FEZ2: variants seen among roughly 807,000 people sequenced by gnomAD.
The protein encoded by FEZ2 is fasciculation and elongation protein zeta-2.
Under a neutral mutation model 40.4 loss-of-function variants are expected in FEZ2, and 51 were observed. The observed-to-expected ratio is 1.26, with a 90% CI of 1.01 to 1.59. FEZ2 has a LOEUF of 1.59. Among genes scored for constraint, FEZ2 ranks in the 40% most tolerant of loss-of-function variants. The pLI is 0.00. For missense variants in FEZ2, 640 were observed against 438.3 expected (o/e 1.46, Z -4.11); for synonymous variants, 242 against 172.0 (o/e 1.41, Z -3.18).
rs1669284484 is a variant in FEZ2 at position 36,597,927 on chromosome 2, CGGGGGCTCGGCGCCCGGATCCGA to C, written c.193_215del (p.Ser65GlufsTer25). 1 of 1,435,600 alleles carries C rather than the reference CGGGGGCTCGGCGCCCGGATCCGA, an allele frequency of 7.0e-7. No homozygotes were observed. Among genetic ancestry groups the C allele is most frequent in the Non-Finnish European group, 9.1e-7 (1 of 1,101,628 alleles). The allele number at this position is 1,435,600 out of a possible 1,614,324, so 88.9% of individuals were successfully genotyped here. A position where few individuals can be genotyped will look rare whatever the true frequency, so the allele number is the denominator to read the frequency against. Reference sequence around the variant, plus strand: ...CCGTGATGGGCCGCACGGCCGTCCTCGGGGGCTCGGCGCCCGGATCCGAGGGGCGGAAGCACAGGCTCAGCTTC... The same window carrying C: ...CCGTGATGGGCCGCACGGCCGTCCTCGGGGCGGAAGCACAGGCTCAGCTTC... On this transcript the variant is annotated frameshift_variant, in exon 1 of 8. Coordinates refer to ENST00000405912, the MANE Select transcript of FEZ2 (RefSeq NM_005102.3). LOFTEE classifies it high-confidence loss of function.
At position 36,552,552 on chromosome 2, in the gene FEZ2, G is replaced by A; in HGVS notation, c.*611C>T. 1 of 238,544 alleles carries A rather than the reference G, an allele frequency of 4.2e-6. No homozygotes were observed. Among genetic ancestry groups the A allele is most frequent in the Non-Finnish European group, 8.3e-6 (1 of 119,866 alleles). The allele number at this position is 238,544 out of a possible 1,614,324, so 14.8% of individuals were successfully genotyped here. ...TTCTAAAAGTGAATGGCAATTTAAT[G>A]GTTAAAATTTGACCAGTGGTGAAAC... On this transcript the variant is annotated 3_prime_UTR_variant, in exon 8 of 8. Coordinates refer to ENST00000405912, the MANE Select transcript of FEZ2 (RefSeq NM_005102.3).
intron 2 of FEZ2, among the ~76,000 whole-genome samples, chr2:36,585,314 C>A (rs1259070235): frequency 6.6e-6 from 1 of 152,130 alleles, no homozygotes; most frequent in Non-Finnish European, 1.5e-5. Context: ...CTCTCATGTG[C>A]CCTTTCTCAA....
At chr2:36,569,184 T>C (rs548200743) in intron 5 of FEZ2, among the ~76,000 whole-genome samples, 3 of 152,334 alleles carry the variant, frequency 2.0e-5, no homozygotes, top group Admixed American at 2.0e-4. Context: ...GAATAATCCA[T>C]GCAAGTACCT....
At chr2:36,572,664 T>C (rs1194570214) in intron 5 of FEZ2, among the ~76,000 whole-genome samples, 3 of 152,024 alleles carry the variant, frequency 2.0e-5, no homozygotes, top group Non-Finnish European at 4.4e-5. Context: ...AGGTGAAGAG[T>C]TGATTTAGCC....
chr2:36,578,940 G>T, intron 4 of FEZ2, 75 bp from the exon 5 acceptor site: 1 of 1,247,428 alleles, frequency 8.0e-7, no homozygotes, highest in Non-Finnish European at 1.1e-6. Context: ...TAGTCACTAG[G>T]AATGACTAAA....
chr2:36,552,493 C>G lies in FEZ2; in HGVS notation c.*670G>C. ...TACAATTCTTCACAGACACATGAAG[C>G]AGAACATTTGAAAATCAAAACTTAA... On this transcript the variant is annotated 3_prime_UTR_variant, in exon 8 of 8. Transcript: ENST00000405912. 1 of 244,424 alleles carries G rather than the reference C, an allele frequency of 4.1e-6. No homozygotes were observed. Among genetic ancestry groups the G allele is most frequent in the Non-Finnish European group, 8.1e-6 (1 of 122,810 alleles). The allele number at this position is 244,424 out of a possible 1,614,324, so 15.1% of individuals were successfully genotyped here.
rs1479906791 is a variant in FEZ2, at chr2:36,598,057, C to A, written c.86G>T (p.Ser29Ile). 1.2e-5 allele frequency: 17 copies of A among 1,420,206 alleles called. No homozygotes were observed. The highest frequency in any genetic ancestry group is 4.3e-5 in the Admixed American group (2 of 46,122). 88.0% of individuals were successfully genotyped at this position (1,420,206 alleles called of 1,614,324 possible). A position where few individuals can be genotyped will look rare whatever the true frequency, so the allele number is the denominator to read the frequency against. The part of the protein sequence containing the change: ...SLLDQENCNA[S>I]PEPGAEAGAE... ...CCCCGCCTCCGCCCCAGGCTCGGGG[C>A]TCGCGTTACAGTTCTCCTGGTCCAG... is the stretch of plus-strand genomic sequence containing the variant. The change falls in exon 1 of 8, where the codon AGC (serine) becomes ATC (isoleucine). Residue 29 changes from serine to isoleucine, a missense_variant. Transcript: ENST00000405912.
chr2:36,564,956 G>T (rs898248544), intron 5 of FEZ2, among the ~76,000 whole-genome samples: 3 of 152,182 alleles, frequency 2.0e-5, no homozygotes, highest in Non-Finnish European at 4.4e-5. Context: ...TCAGACCATA[G>T]GTTGACGGAA....
Position 36,574,558 on chromosome 2 carries a change from G to C in FEZ2, c.903+4039C>G, listed in dbSNP as rs376329644. On this transcript the variant is annotated intron_variant, in intron 5 of 7. Coordinates refer to ENST00000405912, the MANE Select transcript of FEZ2 (RefSeq NM_005102.3). ...TAACACTAACCCCTCTAAAAAGAGAGAGTAGTCAACTCTGCATCGGACAGA... is the reference window on the plus strand; with the variant it reads ...TAACACTAACCCCTCTAAAAAGAGACAGTAGTCAACTCTGCATCGGACAGA... Among the ~76,000 whole-genome samples, 52 of 152,154 alleles carry C rather than the reference G, an allele frequency of 3.4e-4. No homozygotes were observed. In the East Asian group the frequency reaches 7.7e-3, roughly 23 times the overall value.
At chr2:36,584,951 A>C (rs1182524358) in intron 2 of FEZ2, among the ~76,000 whole-genome samples, 1 of 152,178 alleles carries the variant, frequency 6.6e-6, no homozygotes, top group Non-Finnish European at 1.5e-5. Context: ...CCTATAATGC[A>C]ACTCCAGGCT....
chr2:36,572,017 GAAAAAAAAAAAAAAA>G (rs34787798), intron 5 of FEZ2, among the ~76,000 whole-genome samples: 2 of 110,110 alleles, frequency 1.8e-5, no homozygotes, highest in African/African-American at 3.1e-5. Context: ...TCCGTCTCAG[GAAAAAAAAAAAAAAA>G]AAAAAAAAAA....
rs191028631 is a variant in FEZ2 at position 36,595,413 on chromosome 2, A to G, written c.266+2464T>C. Among the ~76,000 whole-genome samples, 5 of 152,136 alleles carry G rather than the reference A, an allele frequency of 3.3e-5. No individual in the cohort carries two copies. The East Asian group carries it at 9.7e-4, about 29-fold the overall frequency. The stretch of plus-strand genomic sequence containing the variant: ...TTCTCATAAGGTGTCTGCAAACTAG[A>G]ACCCTCACTTGTGCAGTTCACAATA... On this transcript the variant is annotated intron_variant, in intron 1 of 7. Transcript: ENST00000405912.
At chr2:36,557,328 A>G (rs982036582) in intron 6 of FEZ2, 3 of 152,198 alleles carry the variant, frequency 2.0e-5, no homozygotes, top group Non-Finnish European at 2.9e-5. Flanking sequence ...TTTATTTCAG[A>G]CTGGCTGGCA....
chr2:36,588,100 C>T (rs971822236), intron 2 of FEZ2, among the ~76,000 whole-genome samples: 5 of 152,016 alleles, frequency 3.3e-5, no homozygotes, highest in East Asian at 1.9e-4. Context: ...GTGATCTCGG[C>T]GCACTGCAAC....
chr2:36,570,056 A>G (rs928544893), intron 5 of FEZ2, among the ~76,000 whole-genome samples: 3 of 152,124 alleles, frequency 2.0e-5, no homozygotes, highest in African/African-American at 7.2e-5. Flanking sequence ...TTTTTAATAA[A>G]TTAAAATAAT....
chr2:36,596,604 C>T (rs1669230290), intron 1 of FEZ2, among the ~76,000 whole-genome samples: 1 of 152,050 alleles, frequency 6.6e-6, no homozygotes, highest in South Asian at 2.1e-4. Context: ...CGTGGGACCA[C>T]GGGCATGCGC....
chr2:36,584,466 G>GA (rs1178351653), intron 2 of FEZ2, among the ~76,000 whole-genome samples: 1 of 152,104 alleles, frequency 6.6e-6, no homozygotes, highest in South Asian at 2.1e-4. Context: ...AACTTTGCCT[G>GA]AAAAAACTCA....
At chr2:36,571,769 T>G (rs848627) in intron 5 of FEZ2, among the ~76,000 whole-genome samples, 74,748 of 150,734 alleles carry the variant, frequency 0.5, 20,003 homozygotes, top group East Asian at 0.85. Context: ...ACTTTGGGAG[T>G]CCAGGGCAGG....
chr2:36,553,027 A>G lies in FEZ2; in HGVS notation c.*136T>C, dbSNP rs1238141142. On this transcript the variant is annotated 3_prime_UTR_variant, in exon 8 of 8. Transcript: ENST00000405912. ...ATAATATAAAGAATTAGTGTAGTCA[A>G]GATCTGTTAATACTGAATCAAACCC... 1 of 677,844 alleles carries G rather than the reference A, an allele frequency of 1.5e-6. No homozygotes were observed. The highest frequency in any genetic ancestry group is 2.6e-6 in the Non-Finnish European group (1 of 383,558). The allele number at this position is 677,844 out of a possible 1,614,324, so 42.0% of individuals were successfully genotyped here. A position where few individuals can be genotyped will look rare whatever the true frequency, so the allele number is the denominator to read the frequency against.
Sources: allele counts gnomAD v4.1 joint callset (sites outside exome capture counted in the v4.1 genomes callset), GRCh38; gene constraint gnomAD v4.1.1; transcripts MANE v1.5; gene names NCBI Gene and HGNC (gene_info 2026-07-23, HGNC 2026-07-21).